MBTPS1: variants seen among roughly 807,000 people sequenced by gnomAD.
The protein encoded by MBTPS1 is membrane-bound transcription factor site-1 protease.
Under a neutral mutation model 127.8 loss-of-function variants are expected in MBTPS1, and 94 were observed. The ratio of observed to expected loss-of-function variants is 0.74; its 90% confidence interval spans 0.62 to 0.87. The LOEUF (loss-of-function observed/expected upper bound fraction) is 0.87, where lower values mean the gene tolerates loss of function less well. Among genes scored for constraint, MBTPS1 ranks in the 40% least tolerant of loss-of-function variants. The probability of loss-of-function intolerance (pLI) is 0.00; values close to 1 mark genes in which losing one functional copy is unlikely to be tolerated. For synonymous variants in MBTPS1, 632 were observed against 509.4 expected (o/e 1.24, Z -3.24); for missense variants, 1,636 against 1,353.2 (o/e 1.21, Z -3.28).
In MBTPS1 at chr16:84,067,780, T is replaced by C. The variant is rs552249993; in HGVS notation, c.2115A>G (p.Glu705=). 1.9e-6 allele frequency: 3 copies of C among 1,613,968 alleles called. No homozygotes were observed. In the East Asian group the frequency reaches 6.7e-5, roughly 36 times the overall value. ...MVDSEEEYFP[E]EIAKLRRDVD... is the part of the protein sequence containing the mutation. The stretch of plus-strand genomic sequence containing the variant: ...CGTCCCTCCGGAGCTTGGCGATCTC[T>C]TCAGGGAAGTACTCCTCCTCACTGT... Residue 705 remains glutamate, a synonymous_variant, in exon 16 of 23, where the codon GAA becomes GAG. Coordinates refer to ENST00000343411, the MANE Select transcript of MBTPS1 (RefSeq NM_003791.4).
At chr16:84,099,849 G>T (rs1028087333) in intron 2 of MBTPS1, among the ~76,000 whole-genome samples, 3 of 151,456 alleles carry the variant, frequency 2.0e-5, no homozygotes, top group Admixed American at 6.6e-5. Flanking sequence ...AGATACCCGT[G>T]ATATTTTTTT....
At chr16:84,084,077 A>C (rs955123223) in intron 10 of MBTPS1, among the ~76,000 whole-genome samples, 56 of 152,262 alleles carry the variant, frequency 3.7e-4, no homozygotes, top group Middle Eastern at 3.4e-3. Context: ...TTCCTGCCTC[A>C]ATCTCCTGAG....
chr16:84,071,324 T>C (rs1179973221), intron 12 of MBTPS1, among the ~76,000 whole-genome samples: 1 of 152,176 alleles, frequency 6.6e-6, no homozygotes, highest in Admixed American at 6.5e-5. Context: ...GCAGAGGCCA[T>C]CTGGAAGAGA....
chr16:84,056,378 G>T lies in MBTPS1; in HGVS notation c.2832-243C>A, dbSNP rs1245920159. 3 of 404,182 alleles carry T rather than the reference G, an allele frequency of 7.4e-6. No homozygotes were observed. In the Admixed American group the frequency reaches 1.2e-4, roughly 16 times the overall value. 25.0% of individuals were successfully genotyped at this position (404,182 alleles called of 1,614,324 possible). ...TGAGATTCTACTGAGTTTACAATAT[G>T]ACCAGCAGGAGCCTGTTTTTGCATA... On this transcript the variant is annotated intron_variant, in intron 21 of 22. Transcript: ENST00000343411.
At chr16:84,071,478 A>T (rs1394956424) in intron 12 of MBTPS1, among the ~76,000 whole-genome samples, 2 of 152,260 alleles carry the variant, frequency 1.3e-5, no homozygotes, top group Non-Finnish European at 2.9e-5. Flanking sequence ...TATCTGTAGG[A>T]TACGGTGTCC....
chr16:84,054,679 C>T (rs746878425), intron 22 of MBTPS1, 34 bp from the exon 23 acceptor site: 40 of 1,498,708 alleles, frequency 2.7e-5, no homozygotes, highest in Non-Finnish European at 3.0e-5. Flanking sequence ...CAGGCAGGAA[C>T]GCCACAGAGC....
chr16:84,100,253 T>C (rs1228429997), intron 2 of MBTPS1, among the ~76,000 whole-genome samples: 1 of 151,612 alleles, frequency 6.6e-6, no homozygotes, highest in African/African-American at 2.4e-5. Context: ...ATAAAAAAAT[T>C]AGCTGGGCAG....
intron 21 of MBTPS1, among the ~76,000 whole-genome samples, chr16:84,058,364 G>A (rs1276299052): frequency 1.3e-5 from 2 of 152,214 alleles, no homozygotes; most frequent in African/African-American, 4.8e-5. Flanking sequence ...CATCACTGGA[G>A]GAAAAGAAGG....
chr16:84,102,452 T>A (rs575425454), intron 1 of MBTPS1, among the ~76,000 whole-genome samples: 1 of 152,136 alleles, frequency 6.6e-6, no homozygotes, highest in South Asian at 2.1e-4. Context: ...CACGGGAAAA[T>A]TTTTTTTAGG....
At chr16:84,076,076 A>C (rs573561708) in intron 11 of MBTPS1, among the ~76,000 whole-genome samples, 38 of 152,226 alleles carry the variant, frequency 2.5e-4, no homozygotes, top group Non-Finnish European at 4.9e-4. Flanking sequence ...CATATTAAGA[A>C]AACAAAATAG....
At chr16:84,094,787 C>G (rs951332681) in intron 4 of MBTPS1, among the ~76,000 whole-genome samples, 1 of 152,090 alleles carries the variant, frequency 6.6e-6, no homozygotes, top group Non-Finnish European at 1.5e-5. Flanking sequence ...TGGGGAGACA[C>G]ACATTTTAAT....
At chr16:84,073,954 C>A (rs985177808) in intron 12 of MBTPS1, among the ~76,000 whole-genome samples, 2 of 151,722 alleles carry the variant, frequency 1.3e-5, no homozygotes, top group Non-Finnish European at 2.9e-5. Flanking sequence ...TGCAGTGAGC[C>A]AAGATCATGC....
intron 20 of MBTPS1, 73 bp from the exon 21 acceptor site, chr16:84,059,501 C>G: frequency 7.0e-7 from 1 of 1,425,148 alleles, no homozygotes; most frequent in East Asian, 2.4e-5. Flanking sequence ...AAAGGAGGGC[C>G]TTATTATGAG....
intron 16 of MBTPS1, 33 bp from the exon 17 acceptor site, chr16:84,066,646 G>T (rs763294386): frequency 6.2e-7 from 1 of 1,611,082 alleles, no homozygotes; most frequent in Non-Finnish European, 8.5e-7. Flanking sequence ...ACAGGGAACA[G>T]GGAATGAAGA....
intron 16 of MBTPS1, 71 bp from the exon 17 acceptor site, chr16:84,066,684 G>C (rs2085688691): frequency 7.0e-7 from 1 of 1,432,368 alleles, no homozygotes; most frequent in Non-Finnish European, 9.5e-7. Context: ...TTTAGTCTCT[G>C]TGACAAAACT....
chr16:84,093,794 T>G lies in MBTPS1; in HGVS notation c.653A>C (p.Asp218Ala). 6.2e-7 allele frequency: 1 copy of G among 1,613,692 alleles called. No individual in the cohort carries two copies. Among genetic ancestry groups the G allele is most frequent in the Non-Finnish European group, 8.5e-7 (1 of 1,179,630 alleles). Residue 218 changes from aspartate (D) to alanine (A), a missense_variant, in exon 5 of 23, where the codon GAC becomes GCC. Coordinates refer to ENST00000343411, the MANE Select transcript of MBTPS1 (RefSeq NM_003791.4). ...GGGATGCTTCTCGCTCAGCCCAGTG[T>G]CAAAAACAGCAACTCTTACATTAGC... The part of the protein sequence containing the change: ...TGANVRVAVF[D>A]TGLSEKHPHF...
At chr16:84,071,887 C>G (rs1037156587) in intron 12 of MBTPS1, 2 of 151,986 alleles carry the variant, frequency 1.3e-5, no homozygotes, top group African/African-American at 4.8e-5. Context: ...AGAGAAAATC[C>G]CAATTCCAGG....
Position 84,070,755 on chromosome 16 carries a change from G to T in MBTPS1, c.1615C>A (p.Pro539Thr), listed in dbSNP as rs756493995. 2 of 1,610,822 alleles carry T rather than the reference G, an allele frequency of 1.2e-6. No homozygotes were observed. The highest frequency in any genetic ancestry group is 1.7e-6 in the Non-Finnish European group (2 of 1,178,290). The change falls in exon 13 of 23, where the codon CCA (proline) becomes ACA (threonine). Residue 539 changes from proline to threonine, a missense_variant. Transcript: ENST00000343411. ...VDKPDWQPYL[P>T]QNGDNIEVAF... ...ACTTCAATGTTGTCTCCGTTCTGTGGCAAATAGGGCTGCCAGTCAGGCTGC... is the reference window on the plus strand; with the variant it reads ...ACTTCAATGTTGTCTCCGTTCTGTGTCAAATAGGGCTGCCAGTCAGGCTGC...
intron 4 of MBTPS1, 40 bp downstream of exon 4, chr16:84,095,562 G>A (rs750393309): frequency 1.9e-6 from 3 of 1,600,698 alleles, no homozygotes; most frequent in South Asian, 2.2e-5. Context: ...GCACACACCT[G>A]TATATCCCAT....
Sources: gnomAD v4.1 joint callset for allele counts (sites outside exome capture counted in the v4.1 genomes callset) on GRCh38, gnomAD v4.1.1 for gene constraint, MANE v1.5 for transcripts, NCBI Gene and HGNC (gene_info 2026-07-23, HGNC 2026-07-21) for gene names.